The following ARID3B variants were observed in gnomAD, a reference collection of about 807,000 sequenced individuals.
ARID3B encodes the protein AT-rich interaction domain 3B, also known as AT-rich interactive domain-containing protein 3B.
Under a neutral mutation model 51.9 loss-of-function variants are expected in ARID3B, and 10 were observed. The ratio of observed to expected loss-of-function variants is 0.19; its 90% CI spans 0.12 to 0.33. The LOEUF is 0.33. Ranked by LOEUF, ARID3B falls within the 10% of genes least tolerant of loss-of-function variation. ARID3B has a pLI of 1.00. For missense variants in ARID3B, 483 were observed against 716.3 expected (o/e 0.67, Z 3.72); for synonymous variants, 205 against 279.5 (o/e 0.73, Z 2.66).
Position 74,594,403 on chromosome 15 carries a change from G to A in ARID3B, c.1519+1167G>A, listed in dbSNP as rs531005268. Among the ~76,000 whole-genome samples, 70 of 152,226 alleles carry A rather than the reference G, an allele frequency of 4.6e-4. No homozygotes were observed. The South Asian group carries it at 0.014, about 31-fold the overall frequency. ...GCAGAGCTTGCAGTGAGCTGAGATCGCGCCACTGCACTCCAGCCTGGGCGA... is the reference window on the plus strand; with the variant it reads ...GCAGAGCTTGCAGTGAGCTGAGATCACGCCACTGCACTCCAGCCTGGGCGA... On this transcript the variant is annotated intron_variant, in intron 8 of 8. Coordinates refer to ENST00000346246, the MANE Select transcript of ARID3B (RefSeq NM_006465.4).
At chr15:74,589,197 T>G (rs867437791) in intron 4 of ARID3B, among the ~76,000 whole-genome samples, 247 of 151,744 alleles carry the variant, frequency 1.6e-3, no homozygotes, top group South Asian at 5.9e-3. Flanking sequence ...CAGGCTAATT[T>G]TTTTTGTATT....
intron 4 of ARID3B, 22 bp from the exon 5 acceptor site, chr15:74,589,794 CTCTT>C (rs774355682): frequency 1.3e-6 from 2 of 1,589,304 alleles, no homozygotes; most frequent in African/African-American, 1.3e-5. Flanking sequence ...ATCCCGCTGT[CTCTT>C]TCTCTCGTTG....
In ARID3B at chr15:74,565,725, G is replaced by GT. The variant is rs199587244; in HGVS notation, c.553-7129dup. 6.6e-3 allele frequency among the ~76,000 whole-genome samples: 976 copies of GT among 148,934 alleles called. 9 individuals carry two copies. Among genetic ancestry groups the GT allele is most frequent in the African/African-American group, 0.022 (904 of 40,756 alleles). ...AAGATCTTAGAAGCATGGTCTCGTTGTTTTTTTTGTTTTTTTTTTTTTTAA... is the reference window on the plus strand; with the variant it reads ...AAGATCTTAGAAGCATGGTCTCGTTGTTTTTTTTTGTTTTTTTTTTTTTTAA... On this transcript the variant is annotated intron_variant, in intron 2 of 8. Coordinates refer to ENST00000346246, the MANE Select transcript of ARID3B (RefSeq NM_006465.4).
chr15:74,560,860 G>A (rs1212792560), intron 2 of ARID3B, among the ~76,000 whole-genome samples: 1 of 152,204 alleles, frequency 6.6e-6, no homozygotes, highest in Non-Finnish European at 1.5e-5. Context: ...AGGTGTCTAT[G>A]TATATGTTAG....
At chr15:74,566,724 G>A (rs2061700234) in intron 2 of ARID3B, among the ~76,000 whole-genome samples, 1 of 152,060 alleles carries the variant, frequency 6.6e-6, no homozygotes, top group African/African-American at 2.4e-5. Flanking sequence ...CAAATGATAA[G>A]TCGTGACAAA....
Position 74,597,683 on chromosome 15 carries a change from C to T in ARID3B, c.*1909C>T, listed in dbSNP as rs2061833549. The T allele has an allele frequency of 1.9e-6, 1 of 518,610 alleles. No homozygotes were observed. Among genetic ancestry groups the T allele is most frequent in the African/African-American group, 1.9e-5 (1 of 53,228 alleles). 32.1% of individuals were successfully genotyped at this position (518,610 alleles called of 1,614,324 possible). ...AGACATTTGGCCAGTATGTCTTTCT[C>T]AGGGGTTTGGTCACAAAGGATGGAC... On this transcript the variant is annotated 3_prime_UTR_variant, in exon 9 of 9. Transcript: ENST00000346246.
chr15:74,542,448 C>G (rs1290883760), intron 1 of ARID3B, among the ~76,000 whole-genome samples: 2 of 152,138 alleles, frequency 1.3e-5, no homozygotes, highest in African/African-American at 4.8e-5. Flanking sequence ...AAGGCACAAA[C>G]AGGGCTATAA....
chr15:74,595,779 C>T lies in ARID3B; in HGVS notation c.*5C>T, dbSNP rs376957911. 1.4e-5 allele frequency: 22 copies of T among 1,600,668 alleles called. No individual in the cohort carries two copies. In the African/African-American group the frequency reaches 2.6e-4, roughly 19 times the overall value. ...TCCACCAGCTGGTCCCTCTGATGGG[C>T]AGGACCCAGCTTCCCACTTGCCACT... is the stretch of plus-strand genomic sequence containing the variant. On this transcript the variant is annotated 3_prime_UTR_variant, in exon 9 of 9. Transcript: ENST00000346246.
At chr15:74,584,273 T>A (rs985681857) in intron 4 of ARID3B, among the ~76,000 whole-genome samples, 28 of 152,260 alleles carry the variant, frequency 1.8e-4, no homozygotes, top group African/African-American at 6.5e-4. Context: ...CTCTGCTGGC[T>A]TCTGGGGAGC....
intron 2 of ARID3B, among the ~76,000 whole-genome samples, chr15:74,555,986 G>A (rs1222905940): frequency 6.6e-6 from 1 of 151,332 alleles, no homozygotes; most frequent in East Asian, 1.9e-4. Flanking sequence ...TAGAGACGGG[G>A]TTTCACCGTG....
intron 4 of ARID3B, chr15:74,574,592 A>G (rs1303029089): frequency 6.6e-6 from 1 of 152,098 alleles, no homozygotes; most frequent in Admixed American, 6.6e-5. Context: ...AAAAAAGGCA[A>G]TCGAAAGTTT....
At chr15:74,547,610 T>C (rs1457232455) in intron 2 of ARID3B, among the ~76,000 whole-genome samples, 1 of 152,110 alleles carries the variant, frequency 6.6e-6, no homozygotes, top group Non-Finnish European at 1.5e-5. Flanking sequence ...TCTCAGGGAG[T>C]TCAGGTCTAG....
intron 8 of ARID3B, 22 bp from the exon 9 acceptor site, chr15:74,595,589 T>G: frequency 6.2e-7 from 1 of 1,608,578 alleles, no homozygotes; most frequent in Non-Finnish European, 8.5e-7. Context: ...TGCCCACACT[T>G]GCTTCTCTTC....
intron 4 of ARID3B, among the ~76,000 whole-genome samples, chr15:74,575,756 T>A (rs908405676): frequency 6.6e-6 from 1 of 152,332 alleles, no homozygotes; most frequent in Non-Finnish European, 1.5e-5. Context: ...CGTCAGGTAT[T>A]TCACTGTTTG....
intron 1 of ARID3B, among the ~76,000 whole-genome samples, chr15:74,541,977 G>T (rs190438255): frequency 2.0e-4 from 31 of 152,254 alleles, no homozygotes; most frequent in African/African-American, 6.7e-4. Flanking sequence ...TGGGCTCTTT[G>T]GGGGAGGGTG....
chr15:74,556,122 A>T (rs1317748914), intron 2 of ARID3B, among the ~76,000 whole-genome samples: 1 of 152,004 alleles, frequency 6.6e-6, no homozygotes, highest in Non-Finnish European at 1.5e-5. Context: ...TTCCTCACTA[A>T]GCTTAATAAT....
chr15:74,586,923 T>C (rs1460403716), intron 4 of ARID3B, among the ~76,000 whole-genome samples: 1 of 152,132 alleles, frequency 6.6e-6, no homozygotes, highest in African/African-American at 2.4e-5. Flanking sequence ...ACATGCTTCC[T>C]GGAAGGAGTG....
intron 2 of ARID3B, among the ~76,000 whole-genome samples, chr15:74,556,776 G>GTTTTTTTTTTTTT (rs1283802329): frequency 2.4e-5 from 3 of 122,542 alleles, no homozygotes; most frequent in East Asian, 2.4e-4. Flanking sequence ...TTTGTTTTTT[G>GTTTTTTTTTTTTT]TTTTTTTTTT....
intron 1 of ARID3B, among the ~76,000 whole-genome samples, chr15:74,541,550 G>A (rs1596246737): frequency 7.0e-6 from 1 of 142,048 alleles, no homozygotes; most frequent in East Asian, 2.4e-4. Context: ...AAAGCGATGA[G>A]AAGGGTGAGG....
Sources: allele counts gnomAD v4.1 joint callset (sites outside exome capture counted in the v4.1 genomes callset), GRCh38; gene constraint gnomAD v4.1.1; transcripts MANE v1.5; gene names NCBI Gene and HGNC (gene_info 2026-07-23, HGNC 2026-07-21).